Variants in CCDC171 observed in about 807,000 individuals in gnomAD.
CCDC171 encodes coiled-coil domain-containing protein 171.
A neutral mutation model predicts 168.2 loss-of-function variants in CCDC171; 177 were observed. The ratio of observed to expected loss-of-function variants is 1.05; its 90% confidence interval spans 0.93 to 1.19. CCDC171 has a LOEUF of 1.19. Ranked by LOEUF, CCDC171 falls within the 50% of genes most tolerant of loss-of-function variation. The pLI, the probability that CCDC171 is intolerant of heterozygous loss-of-function variation, is 0.00. For missense variants in CCDC171, 1,991 were observed against 1,539.0 expected, an observed-to-expected ratio of 1.29 and a Z score of -4.91; for synonymous variants, 687 against 540.8, an observed-to-expected ratio of 1.27 and a Z score of -3.75.
rs1176341064 is a variant in CCDC171 at position 15,652,121 on chromosome 9, A to G, written c.823-5006A>G. Among the ~76,000 whole-genome samples the G allele has an allele frequency of 5.9e-5, 9 of 152,212 alleles. No individual in the cohort carries two copies. In the South Asian group the frequency reaches 1.5e-3, roughly 25 times the overall value. On this transcript the variant is annotated intron_variant, in intron 7 of 25. Coordinates refer to ENST00000380701, the MANE Select transcript of CCDC171 (RefSeq NM_173550.4). ...CAGGTTTGACTATGTTGCCCAGACT[A>G]TAAAGATTTACCCCTATGTTTTCTT... is the stretch of plus-strand genomic sequence containing the variant.
intron 3 of CCDC171, among the ~76,000 whole-genome samples, chr9:15,984,925 A>G (rs1831936823): frequency 2.0e-5 from 3 of 152,164 alleles, no homozygotes; most frequent in Admixed American, 2.0e-4. Flanking sequence ...TGGTAATTTG[A>G]AGTATTTCTA....
intron 7 of CCDC171, 84 bp downstream of exon 7, chr9:15,623,497 A>ACACACG: frequency 1.5e-6 from 1 of 664,836 alleles, no homozygotes; most frequent in Non-Finnish European, 2.4e-6. Flanking sequence ...ACACACACAC[A>ACACACG]CACACACACA....
At chr9:16,079,986 C>G in the CCDC171 span, among the ~76,000 whole-genome samples, 1 of 152,160 alleles carries the variant, frequency 6.6e-6, no homozygotes, top group Admixed American at 6.5e-5. Flanking sequence ...GTGATAAAAC[C>G]AGAAACCTTC....
chr9:15,745,356 G>A (rs906529158), intron 17 of CCDC171, among the ~76,000 whole-genome samples, 159 bp from the exon 18 acceptor site: 2 of 152,120 alleles, frequency 1.3e-5, no homozygotes, highest in African/African-American at 2.4e-5. Context: ...TGTAAATTAG[G>A]TCAAGCTAAT....
At chr9:16,009,637 A>T (rs3008724) in intron 3 of CCDC171, among the ~76,000 whole-genome samples, 4 of 152,064 alleles carry the variant, frequency 2.6e-5, no homozygotes, top group African/African-American at 7.2e-5. Flanking sequence ...AGAAAGAACC[A>T]CATACATCAA....
At chr9:15,822,714 G>T (rs1374661390) in intron 21 of CCDC171, among the ~76,000 whole-genome samples, 2 of 152,120 alleles carry the variant, frequency 1.3e-5, no homozygotes, top group African/African-American at 4.8e-5. Flanking sequence ...TGGAGAAATA[G>T]GAACACTTTT....
chr9:16,026,131 G>A (rs191003386), intron 6 of CCDC171, among the ~76,000 whole-genome samples: 198 of 152,262 alleles, frequency 1.3e-3, no homozygotes, highest in African/African-American at 4.6e-3. Flanking sequence ...ACCTGGGTCA[G>A]AGGAGTGGGT....
intron 24 of CCDC171, among the ~76,000 whole-genome samples, chr9:15,877,931 A>G (rs1301366212): frequency 6.6e-6 from 1 of 152,156 alleles, no homozygotes; most frequent in African/African-American, 2.4e-5. Flanking sequence ...ATAAATAATA[A>G]TTAAACAGTA....
intron 6 of CCDC171, among the ~76,000 whole-genome samples, chr9:15,603,581 A>G (rs1049970120): frequency 6.6e-6 from 1 of 152,104 alleles, no homozygotes. Flanking sequence ...AAAAGACATG[A>G]TTTCATTCAT....
chr9:16,094,103 G>C, the CCDC171 span, among the ~76,000 whole-genome samples: 1 of 152,204 alleles, frequency 6.6e-6, no homozygotes, highest in Admixed American at 6.5e-5. Context: ...GCAGTGTGGG[G>C]AGAGAGGACC....
chr9:15,719,436 GA>G (rs755081110), intron 11 of CCDC171, among the ~76,000 whole-genome samples: 5,573 of 141,802 alleles, frequency 0.039, 574 homozygotes, highest in African/African-American at 0.14. Flanking sequence ...GAGAGAGAGA[GA>G]GAGAGAGAGA....
downstream of CCDC171, among the ~76,000 whole-genome samples, chr9:16,063,081 G>A (rs911699957): frequency 2.0e-5 from 3 of 152,184 alleles, no homozygotes; most frequent in Admixed American, 2.0e-4. Flanking sequence ...GTGACTATTT[G>A]TTGACTTGGT....
At chr9:15,702,221 G>A (rs1042862415) in intron 11 of CCDC171, among the ~76,000 whole-genome samples, 4 of 152,202 alleles carry the variant, frequency 2.6e-5, no homozygotes, top group South Asian at 4.1e-4. Context: ...GCTGTCATCC[G>A]TATGAGCTGT....
At chr9:16,056,480 C>A (rs1490431760) in intron 1 of CCDC171, among the ~76,000 whole-genome samples, 1 of 150,596 alleles carries the variant, frequency 6.6e-6, no homozygotes, top group Non-Finnish European at 1.5e-5. Context: ...GTTTTTTGTT[C>A]TTTTGTTTTA....
rs555232614 is a variant in CCDC171, at chr9:15,605,674, G to A, written c.675+11502G>A. Among the ~76,000 whole-genome samples, 643 of 143,038 alleles carry A rather than the reference G, an allele frequency of 4.5e-3. 7 individuals are homozygous for A. The highest frequency in any genetic ancestry group is 0.015 in the African/African-American group (598 of 38,972). The allele number at this position is 143,038 out of a possible 152,430, so 93.8% of individuals were successfully genotyped here. A position where few individuals can be genotyped will look rare whatever the true frequency, so the allele number is the denominator to read the frequency against. On this transcript the variant is annotated intron_variant, in intron 6 of 25. Transcript: ENST00000380701. ...TGCACTCCAGCCTGGGCGACAGAGC[G>A]AGACTCTGTCAAAAAAAAAAAAAGA...
At chr9:15,837,459 G>A (rs2060500147) in intron 21 of CCDC171, among the ~76,000 whole-genome samples, 1 of 152,092 alleles carries the variant, frequency 6.6e-6, no homozygotes, top group Non-Finnish European at 1.5e-5. Flanking sequence ...CCTTATACAG[G>A]AAAATTCCAT....
intron 10 of CCDC171, among the ~76,000 whole-genome samples, chr9:15,681,852 C>T (rs73644689): frequency 0.021 from 3,245 of 152,038 alleles, 120 homozygotes; most frequent in African/African-American, 0.074. Context: ...GGAAGATTTT[C>T]CCTTTTGCTT....
Position 15,571,725 on chromosome 9 carries a change from A to G in CCDC171, c.143A>G (p.Glu48Gly), listed in dbSNP as rs377428604. ...AAGAAACTCCATTGGGCTAAAAAAG[A>G]AAAGTTAGAAATAACAACCAAACAC... ...LRKKLHWAKKEKLEITTKHNA... is the reference protein window; with the variant it reads ...LRKKLHWAKKGKLEITTKHNA... Residue 48 changes from glutamate to glycine, a missense_variant, in exon 3 of 26, where the codon GAA becomes GGA. Glu to Gly is a moderately conservative substitution (Grantham distance 98). Transcript: ENST00000380701. 11 of 1,591,130 alleles carry G rather than the reference A, an allele frequency of 6.9e-6. No individual in the cohort carries two copies. The highest frequency in any genetic ancestry group is 7.7e-6 in the Non-Finnish European group (9 of 1,174,542).
intron 25 of CCDC171, among the ~76,000 whole-genome samples, chr9:15,939,032 T>A (rs987841931): frequency 6.6e-6 from 1 of 151,596 alleles, no homozygotes; most frequent in Admixed American, 6.6e-5. Flanking sequence ...ATATTATAGA[T>A]TCTTATGATT....
Sources: gnomAD v4.1 joint callset for allele counts (sites outside exome capture counted in the v4.1 genomes callset) on GRCh38, gnomAD v4.1.1 for gene constraint, MANE v1.5 for transcripts, NCBI Gene and HGNC (gene_info 2026-07-23, HGNC 2026-07-21) for gene names.